The following BCR variants were observed in gnomAD, a reference collection of about 807,000 sequenced individuals.
BCR encodes BCR activator of RhoGEF and GTPase.
Under a neutral mutation model 138.6 loss-of-function variants are expected in BCR, and 58 were observed. The observed-to-expected ratio is 0.42, with a 90% CI of 0.34 to 0.52. The LOEUF (loss-of-function observed/expected upper bound fraction) is 0.52. Among genes scored for constraint, BCR ranks in the 20% least tolerant of loss-of-function variants. The pLI is 0.06. For synonymous variants in BCR, 786 were observed against 730.1 expected, an observed-to-expected ratio of 1.08 and a Z score of -1.23; for missense variants, 1,599 against 1,727.2, an observed-to-expected ratio of 0.93 and a Z score of 1.32.
chr22:23,249,844 G>A (rs1013814414), intron 1 of BCR, among the ~76,000 whole-genome samples: 6 of 152,194 alleles, frequency 3.9e-5, no homozygotes, highest in African/African-American at 9.7e-5. Context: ...GAACGTGGCA[G>A]GGATGAGCAG....
chr22:23,282,879 C>G (rs575063079), intron 8 of BCR, among the ~76,000 whole-genome samples: 221 of 152,330 alleles, frequency 1.5e-3, no homozygotes, highest in Admixed American at 4.1e-3. Context: ...CTCTCTGCCA[C>G]GAGGTTGTGG....
At chr22:23,229,986 GTTCAATCTACAGGAT>G (rs2072937641) in intron 1 of BCR, among the ~76,000 whole-genome samples, 1 of 152,000 alleles carries the variant, frequency 6.6e-6, no homozygotes. Context: ...AGCCAAAAGA[GTTCAATCTACAGGAT>G]TTCTCCTTCC....
chr22:23,315,695 C>A lies in BCR; in HGVS notation c.*173C>A. The A allele has an allele frequency of 1.4e-6, 1 of 713,556 alleles. No homozygotes were observed. 44.2% of individuals were successfully genotyped at this position (713,556 alleles called of 1,614,324 possible). ...AAGGACAGGTGGCCTGGAAAGATCC[C>A]GCCCAGGTCTGGGAGCCCCAGGCTG... On this transcript the variant is annotated 3_prime_UTR_variant, in exon 23 of 23. Transcript: ENST00000305877.
At chr22:23,265,912 A>T (rs909706902) in intron 4 of BCR, among the ~76,000 whole-genome samples, 7 of 152,250 alleles carry the variant, frequency 4.6e-5, no homozygotes, top group Admixed American at 4.6e-4. Flanking sequence ...TTTAATATGT[A>T]GTTCATATAA....
At chr22:23,239,500 C>CTAA (rs1206899489) in intron 1 of BCR, among the ~76,000 whole-genome samples, 1 of 152,088 alleles carries the variant, frequency 6.6e-6, no homozygotes, top group Non-Finnish European at 1.5e-5. Flanking sequence ...CTGCTCTTCC[C>CTAA]CTCTGTCTGC....
intron 1 of BCR, among the ~76,000 whole-genome samples, chr22:23,199,816 C>T (rs780765703): frequency 2.0e-5 from 3 of 152,120 alleles, no homozygotes; most frequent in Non-Finnish European, 2.9e-5. Flanking sequence ...CGGGGCCAGG[C>T]GCGATGGCTC....
chr22:23,287,697 G>C (rs2073732787), intron 11 of BCR, among the ~76,000 whole-genome samples: 1 of 152,192 alleles, frequency 6.6e-6, no homozygotes, highest in South Asian at 2.1e-4. Flanking sequence ...TTGTTTTCTA[G>C]CCTGACCAGG....
chr22:23,210,688 C>T (rs776824026), intron 1 of BCR, among the ~76,000 whole-genome samples: 1 of 152,164 alleles, frequency 6.6e-6, no homozygotes, highest in African/African-American at 2.4e-5. Context: ...TGTGCTTTCT[C>T]CCCTTACAGT....
intron 4 of BCR, chr22:23,263,110 C>T (rs2073388167): frequency 1.4e-6 from 1 of 707,486 alleles, no homozygotes; most frequent in East Asian, 2.8e-5. Flanking sequence ...CAGGTTTGGG[C>T]CTACATCCCG....
intron 1 of BCR, among the ~76,000 whole-genome samples, chr22:23,182,744 G>C (rs1440725083): frequency 6.6e-6 from 1 of 152,214 alleles, no homozygotes; most frequent in Non-Finnish European, 1.5e-5. Flanking sequence ...AGATATGCTA[G>C]CTGCTCCTAG....
rs2072764052 is a variant in BCR, at chr22:23,217,132, A to C, written c.1279+34893A>C. The C allele has an allele frequency of 1.1e-5, 4 of 368,096 alleles. No homozygotes were observed. The Admixed American group carries it at 1.3e-4, about 12-fold the overall frequency. The allele number at this position is 368,096 out of a possible 1,614,324, so 22.8% of individuals were successfully genotyped here. ...TACACAGTCACAGGACAAGGACTGG[A>C]AGTGATTGTGGGAAAATGATCCTAG... On this transcript the variant is annotated intron_variant, in intron 1 of 22. Coordinates refer to ENST00000305877, the MANE Select transcript of BCR (RefSeq NM_004327.4).
chr22:23,246,532 G>C (rs998431577), intron 1 of BCR, among the ~76,000 whole-genome samples: 3 of 152,148 alleles, frequency 2.0e-5, no homozygotes, highest in African/African-American at 7.2e-5. Flanking sequence ...AAGTCGTAAG[G>C]TTATCAATGC....
chr22:23,186,272 T>A (rs769132207), intron 1 of BCR, among the ~76,000 whole-genome samples: 7 of 152,248 alleles, frequency 4.6e-5, no homozygotes, highest in Non-Finnish European at 1.0e-4. Context: ...TGCTTTTCTT[T>A]AAATGGTAAA....
At chr22:23,252,829 A>G (rs2073246956) in intron 1 of BCR, among the ~76,000 whole-genome samples, 1 of 152,132 alleles carries the variant, frequency 6.6e-6, no homozygotes, top group African/African-American at 2.4e-5. Context: ...ATGTGACCAA[A>G]TGTAGGGGTT....
At chr22:23,247,695 A>G (rs562411940) in intron 1 of BCR, among the ~76,000 whole-genome samples, 1 of 152,304 alleles carries the variant, frequency 6.6e-6, no homozygotes, top group South Asian at 2.1e-4. Context: ...GTACCCAGGC[A>G]TCACATGGCC....
At chr22:23,274,175 T>G (rs893648663) in intron 8 of BCR, among the ~76,000 whole-genome samples, 1 of 152,130 alleles carries the variant, frequency 6.6e-6, no homozygotes, top group African/African-American at 2.4e-5. Flanking sequence ...TCCCCCTGAG[T>G]GCTTTCATTA....
intron 1 of BCR, among the ~76,000 whole-genome samples, chr22:23,216,594 C>A (rs573921203): frequency 6.6e-6 from 1 of 152,234 alleles, no homozygotes; most frequent in Non-Finnish European, 1.5e-5. Flanking sequence ...ATCTCTTGTT[C>A]GGTAACAAAC....
intron 1 of BCR, chr22:23,243,015 A>G (rs556849060): frequency 8.2e-6 from 3 of 364,316 alleles, no homozygotes; most frequent in Non-Finnish European, 1.7e-5. Context: ...CTCTTTAAAG[A>G]TATTTGTCAT....
At chr22:23,215,024 C>G (rs973242671) in intron 1 of BCR, among the ~76,000 whole-genome samples, 6 of 152,144 alleles carry the variant, frequency 3.9e-5, no homozygotes, top group Non-Finnish European at 7.4e-5. Flanking sequence ...CCACCACCAT[C>G]CTACTCTATG....
Sources: allele counts gnomAD v4.1 joint callset (sites outside exome capture counted in the v4.1 genomes callset), GRCh38; gene constraint gnomAD v4.1.1; transcripts MANE v1.5; gene names NCBI Gene and HGNC (gene_info 2026-07-23, HGNC 2026-07-21).